MSRA: variants seen among roughly 807,000 people sequenced by gnomAD.
MSRA encodes the protein methionine sulfoxide reductase A, also known as mitochondrial peptide methionine sulfoxide reductase.
In MSRA, 54 loss-of-function variants were observed where a neutral mutation model predicts 31.3. The ratio of observed to expected loss-of-function variants is 1.73; its 90% CI spans 1.39 to 2.17. The LOEUF (loss-of-function observed/expected upper bound fraction) is 2.17, where lower values mean the gene tolerates loss of function less well. Among genes scored for constraint, MSRA ranks in the 30% most tolerant of loss-of-function variants. The probability of loss-of-function intolerance (pLI) is 0.00; values close to 1 mark genes in which losing one functional copy is unlikely to be tolerated. For missense variants in MSRA, 507 were observed against 300.9 expected (o/e 1.69, Z -5.07); for synonymous variants, 169 against 116.5 (o/e 1.45, Z -2.90).
intron 5 of MSRA, among the ~76,000 whole-genome samples, chr8:10,341,336 G>A (rs938860520): frequency 1.3e-5 from 2 of 152,112 alleles, no homozygotes; most frequent in Admixed American, 6.5e-5. Flanking sequence ...GTGAAAGCAG[G>A]AGCAAGGGAG....
chr8:10,223,502 C>G (rs6601421), intron 2 of MSRA, among the ~76,000 whole-genome samples: 2 of 152,290 alleles, frequency 1.3e-5, no homozygotes, highest in South Asian at 2.1e-4. Flanking sequence ...TTATCGGCCA[C>G]ATTTGGGCTT....
intron 5 of MSRA, among the ~76,000 whole-genome samples, chr8:10,412,835 C>T (rs574406533): frequency 6.6e-6 from 1 of 152,310 alleles, no homozygotes; most frequent in African/African-American, 2.4e-5. Context: ...CTGGGAATGA[C>T]ACAGAGCAAT....
chr8:10,414,637 T>G (rs1808349360), intron 5 of MSRA, among the ~76,000 whole-genome samples: 1 of 152,254 alleles, frequency 6.6e-6, no homozygotes, highest in Non-Finnish European at 1.5e-5. Flanking sequence ...CCCACTGAAT[T>G]CAGTGCTCTA....
At chr8:10,423,146 G>A (rs1329005593) in intron 5 of MSRA, among the ~76,000 whole-genome samples, 2 of 152,172 alleles carry the variant, frequency 1.3e-5, no homozygotes, top group Admixed American at 6.5e-5. Context: ...CATGGACGAC[G>A]GGAGAGGGGA....
intron 5 of MSRA, among the ~76,000 whole-genome samples, chr8:10,334,432 G>A (rs78278011): frequency 1.3e-5 from 2 of 152,012 alleles, no homozygotes; most frequent in Non-Finnish European, 2.9e-5. Flanking sequence ...AGAAACTACC[G>A]GGGGCGGGGG....
chr8:10,229,716 G>T (rs995080750), intron 2 of MSRA, among the ~76,000 whole-genome samples: 1 of 152,182 alleles, frequency 6.6e-6, no homozygotes, highest in African/African-American at 2.4e-5. Flanking sequence ...GAAAAAAAAG[G>T]GTTAGAGAGT....
chr8:10,075,608 C>T (rs564228247), intron 1 of MSRA, among the ~76,000 whole-genome samples: 1 of 152,236 alleles, frequency 6.6e-6, no homozygotes, highest in African/African-American at 2.4e-5. Context: ...CTAAAGAGAT[C>T]CACAGTTATC....
intron 5 of MSRA, among the ~76,000 whole-genome samples, chr8:10,321,137 TCCTC>T (rs1235816258): frequency 6.6e-6 from 1 of 152,206 alleles, no homozygotes; most frequent in Admixed American, 6.5e-5. Context: ...TTTTTTAAAA[TCCTC>T]CAATAGAGAT....
chr8:10,419,104 G>A (rs1002165368), intron 5 of MSRA, among the ~76,000 whole-genome samples: 2 of 152,134 alleles, frequency 1.3e-5, no homozygotes, highest in Non-Finnish European at 2.9e-5. Flanking sequence ...AGGTTCATAG[G>A]CATCAGCATC....
intron 5 of MSRA, among the ~76,000 whole-genome samples, chr8:10,393,248 A>G (rs17151892): frequency 0.2 from 30,587 of 151,942 alleles, 4,497 homozygotes; most frequent in East Asian, 0.74. Context: ...CTGCTTTCAG[A>G]GTGGATGCGG....
rs540662927 is a variant in MSRA at position 10,352,924 on chromosome 8, T to G, written c.543+32935T>G. Among the ~76,000 whole-genome samples the G allele has an allele frequency of 2.0e-5, 3 of 152,234 alleles. No individual in the cohort carries two copies. The South Asian group carries it at 6.2e-4, about 32-fold the overall frequency. On this transcript the variant is annotated intron_variant, in intron 5 of 5. Transcript: ENST00000317173. ...ATCAGAGCATCCCGTGCTGCCCAGC[T>G]GATGAGCCCACTTGCAATCTCTCCA...
chr8:10,166,992 A>T (rs2129044677), intron 1 of MSRA, among the ~76,000 whole-genome samples: 1 of 152,300 alleles, frequency 6.6e-6, no homozygotes, highest in East Asian at 1.9e-4. Flanking sequence ...GAAGAGGATG[A>T]GGTGACATGG....
chr8:10,063,459 C>A (rs1033014542), intron 1 of MSRA, among the ~76,000 whole-genome samples: 1 of 152,216 alleles, frequency 6.6e-6, no homozygotes, highest in African/African-American at 2.4e-5. Flanking sequence ...ATCTCCACTT[C>A]CACCCCGAGG....
rs1219502137 is a variant in MSRA at position 10,180,837 on chromosome 8, T to C, written c.143-26996T>C. Among the ~76,000 whole-genome samples, 3 of 152,366 alleles carry C rather than the reference T, an allele frequency of 2.0e-5. No homozygotes were observed. In the South Asian group the frequency reaches 6.2e-4, roughly 32 times the overall value. On this transcript the variant is annotated intron_variant, in intron 1 of 5. Transcript: ENST00000317173. The stretch of plus-strand genomic sequence containing the variant: ...GAAATCAGGTGTTTTTGGAAGACAC[T>C]GGATTAAGAGCTGTACTAAAATGCT...
chr8:10,417,190 C>G (rs567983589), intron 5 of MSRA, among the ~76,000 whole-genome samples: 1 of 152,242 alleles, frequency 6.6e-6, no homozygotes, highest in Admixed American at 6.5e-5. Context: ...AATGAGTTCA[C>G]AAAGCTGGGA....
At chr8:10,319,292 T>G (rs540833230) in intron 4 of MSRA, among the ~76,000 whole-genome samples, 28 of 152,170 alleles carry the variant, frequency 1.8e-4, no homozygotes, top group Non-Finnish European at 3.1e-4. Flanking sequence ...TCTGGGGCAC[T>G]GTCACACTCA....
chr8:10,141,849 C>T (rs28517848), intron 1 of MSRA, among the ~76,000 whole-genome samples: 2,509 of 152,210 alleles, frequency 0.016, 38 homozygotes, highest in African/African-American at 0.037. Flanking sequence ...CTAGGATTAC[C>T]GTGGTTGCAC....
chr8:10,333,724 G>GC (rs942410390), intron 5 of MSRA, among the ~76,000 whole-genome samples: 3 of 151,356 alleles, frequency 2.0e-5, no homozygotes, highest in Admixed American at 6.6e-5. Flanking sequence ...CTCAGAGCCG[G>GC]CCCCCCTCCA....
At chr8:10,301,222 A>G (rs560909877) in intron 3 of MSRA, among the ~76,000 whole-genome samples, 30 of 152,350 alleles carry the variant, frequency 2.0e-4, no homozygotes, top group South Asian at 2.1e-4. Context: ...GGGTGGATCC[A>G]TAAGGTTTCC....
Sources: allele counts gnomAD v4.1 joint callset (sites outside exome capture counted in the v4.1 genomes callset), GRCh38; gene constraint gnomAD v4.1.1; transcripts MANE v1.5; gene names NCBI Gene and HGNC (gene_info 2026-07-23, HGNC 2026-07-21).